SPON1: variants seen among roughly 807,000 people sequenced by gnomAD.
SPON1 encodes spondin-1.
SPON1 carries 52 observed loss-of-function variants against 111.7 expected under a neutral mutation model. That is an observed-to-expected ratio of 0.47 (90% confidence interval 0.37 to 0.59). The LOEUF is 0.59. Among genes scored for constraint, SPON1 ranks in the 20% least tolerant of loss-of-function variants. SPON1 has a pLI of 0.00. For missense variants in SPON1, 957 were observed against 1,068.5 expected, an observed-to-expected ratio of 0.90 and a Z score of 1.46; for synonymous variants, 410 against 395.8, an observed-to-expected ratio of 1.04 and a Z score of -0.43.
intron 1 of SPON1, among the ~76,000 whole-genome samples, chr11:13,965,820 A>C (rs912387931): frequency 1.5e-4 from 23 of 152,164 alleles, no homozygotes; most frequent in African/African-American, 5.1e-4. Flanking sequence ...ACTCAAACAC[A>C]TTCTGCTCAT....
chr11:14,181,480 A>G (rs1323409111), intron 6 of SPON1, among the ~76,000 whole-genome samples: 1 of 152,192 alleles, frequency 6.6e-6, no homozygotes, highest in Non-Finnish European at 1.5e-5. Flanking sequence ...TTTTATGACA[A>G]GTTAAGTAGA....
In SPON1 at chr11:14,153,822, A is replaced by G. The variant is rs1340021256; in HGVS notation, c.825+18254A>G. Among the ~76,000 whole-genome samples the G allele has an allele frequency of 2.6e-5, 4 of 152,348 alleles. No homozygotes were observed. The South Asian group carries it at 6.2e-4, about 24-fold the overall frequency. Reference sequence around the variant, plus strand: ...ATAAAAAAACAAGTTAGCTACTTCCAAGATACAATGAGGGTAAAGGCATTG... The same window carrying G: ...ATAAAAAAACAAGTTAGCTACTTCCGAGATACAATGAGGGTAAAGGCATTG... On this transcript the variant is annotated intron_variant, in intron 6 of 15. Transcript: ENST00000576479.
intron 2 of SPON1, among the ~76,000 whole-genome samples, chr11:14,010,161 G>T (rs1319697491): frequency 6.6e-6 from 1 of 152,126 alleles, no homozygotes; most frequent in Non-Finnish European, 1.5e-5. Context: ...TCACAACTCA[G>T]TTTTGCCCAT....
At chr11:13,975,230 G>A (rs919213709) in intron 1 of SPON1, among the ~76,000 whole-genome samples, 6 of 152,050 alleles carry the variant, frequency 3.9e-5, no homozygotes, top group South Asian at 2.1e-4. Flanking sequence ...TTTTTACTCT[G>A]TGTCTCCAGG....
At chr11:14,265,409 A>T in intron 15 of SPON1, 115 bp from the exon 16 acceptor site, 1 of 1,213,796 alleles carries the variant, frequency 8.2e-7, no homozygotes, top group Non-Finnish European at 1.1e-6. Flanking sequence ...ACCAATCATT[A>T]CATACTTGAG....
intron 2 of SPON1, among the ~76,000 whole-genome samples, chr11:13,999,361 T>C (rs1296823908): frequency 6.6e-6 from 1 of 152,032 alleles, no homozygotes; most frequent in Non-Finnish European, 1.5e-5. Context: ...TGAGATACAG[T>C]CCCATGTTTC....
intron 2 of SPON1, among the ~76,000 whole-genome samples, chr11:13,994,896 A>G (rs1848259716): frequency 6.6e-6 from 1 of 152,218 alleles, no homozygotes; most frequent in African/African-American, 2.4e-5. Flanking sequence ...GAGAGAGCCC[A>G]CAATATTCCC....
At chr11:14,048,509 T>G (rs890811145) in intron 3 of SPON1, among the ~76,000 whole-genome samples, 2 of 152,198 alleles carry the variant, frequency 1.3e-5, no homozygotes, top group Non-Finnish European at 2.9e-5. Flanking sequence ...ATAGCAATTA[T>G]GACTTTCCTT....
chr11:14,130,937 C>T (rs1554927457), intron 5 of SPON1, among the ~76,000 whole-genome samples: 2 of 152,114 alleles, frequency 1.3e-5, no homozygotes, highest in Non-Finnish European at 2.9e-5. Context: ...ATTATGTAAG[C>T]ACAGTGTCAG....
intron 1 of SPON1, among the ~76,000 whole-genome samples, chr11:13,974,291 G>A (rs1384653639): frequency 6.6e-6 from 1 of 152,142 alleles, no homozygotes; most frequent in African/African-American, 2.4e-5. Flanking sequence ...CAAGACTGGG[G>A]CATTTCAGTA....
At chr11:14,176,045 A>T (rs1040017517) in intron 6 of SPON1, among the ~76,000 whole-genome samples, 3 of 152,170 alleles carry the variant, frequency 2.0e-5, no homozygotes, top group Admixed American at 6.5e-5. Context: ...GTGGGGACAG[A>T]TGACCTCTGA....
intron 6 of SPON1, among the ~76,000 whole-genome samples, chr11:14,167,744 T>C (rs901942615): frequency 7.9e-5 from 12 of 152,090 alleles, no homozygotes; most frequent in Non-Finnish European, 4.4e-5. Flanking sequence ...AAAACCCTGT[T>C]ACTTGGACAC....
intron 6 of SPON1, among the ~76,000 whole-genome samples, chr11:14,199,496 G>T (rs1178721410): frequency 2.0e-5 from 3 of 150,742 alleles, no homozygotes; most frequent in Non-Finnish European, 4.4e-5. Context: ...ATCACCTCTT[G>T]CCTTGACTAT....
intron 3 of SPON1, among the ~76,000 whole-genome samples, chr11:14,065,099 G>A (rs1284618559): frequency 6.6e-6 from 1 of 152,158 alleles, no homozygotes; most frequent in Non-Finnish European, 1.5e-5. Context: ...CACCTAAAGA[G>A]CAAGCATCTC....
At chr11:14,119,357 T>C (rs1017967745) in intron 5 of SPON1, among the ~76,000 whole-genome samples, 1 of 152,160 alleles carries the variant, frequency 6.6e-6, no homozygotes. Context: ...AGCGTACCTC[T>C]GAGAGGTGTA....
rs782272081 is a variant in SPON1, at chr11:14,265,703, C to T, written c.*16C>T. The stretch of plus-strand genomic sequence containing the variant: ...TCCTTGTTAGCAAGGGTACGAGTTC[C>T]CCAGGGCTGCACTCTAGATTCCAGA... On this transcript the variant is annotated 3_prime_UTR_variant, in exon 16 of 16. Coordinates refer to ENST00000576479, the MANE Select transcript of SPON1 (RefSeq NM_006108.4). 1 of 1,611,126 alleles carries T rather than the reference C, an allele frequency of 6.2e-7. No homozygotes were observed. The highest frequency in any genetic ancestry group is 8.5e-7 in the Non-Finnish European group (1 of 1,178,598).
Position 14,259,786 on chromosome 11 carries a change from G to T in SPON1, c.1831+85G>T, listed in dbSNP as rs1849152717. The T allele has an allele frequency of 4.2e-6, 6 of 1,425,042 alleles. No homozygotes were observed. The highest frequency in any genetic ancestry group is 5.7e-6 in the Non-Finnish European group (6 of 1,055,490). The allele number at this position is 1,425,042 out of a possible 1,614,324, so 88.3% of individuals were successfully genotyped here. On this transcript the variant is annotated intron_variant, in intron 13 of 15. Coordinates refer to ENST00000576479, the MANE Select transcript of SPON1 (RefSeq NM_006108.4). The surrounding 1 kb of genome is among the most constrained non-coding windows in gnomAD (Gnocchi z 5.0). ...GGCATCCACTATTACCACCATAAAG[G>T]TCGGAGGCTGAGCAGAGGAAAGCAT...
intron 5 of SPON1, among the ~76,000 whole-genome samples, chr11:14,097,819 C>T (rs1591374868): frequency 6.6e-6 from 1 of 150,526 alleles, no homozygotes. Context: ...TAATAATTTG[C>T]CTGTAAAACA....
intron 6 of SPON1, among the ~76,000 whole-genome samples, chr11:14,192,461 C>T (rs1310657750): frequency 2.0e-5 from 3 of 151,962 alleles, no homozygotes; most frequent in African/African-American, 7.3e-5. Context: ...ATATATTTGC[C>T]TGTCTCTAAA....
Sources: allele counts gnomAD v4.1 joint callset (sites outside exome capture counted in the v4.1 genomes callset), GRCh38; gene constraint gnomAD v4.1.1; non-coding constraint Gnocchi (gnomAD v3.1); transcripts MANE v1.5; gene names NCBI Gene and HGNC (gene_info 2026-07-23, HGNC 2026-07-21).